The following PNKD variants were observed in gnomAD, a reference collection of about 807,000 sequenced individuals.
The protein encoded by PNKD is PNKD metallo-beta-lactamase domain containing.
PNKD carries 36 observed loss-of-function variants against 45.3 expected under a neutral mutation model. The ratio of observed to expected loss-of-function variants is 0.80; its 90% confidence interval spans 0.61 to 1.05. PNKD has a LOEUF of 1.05. Among genes scored for constraint, PNKD ranks in the 50% least tolerant of loss-of-function variants. PNKD has a pLI of 0.00. For synonymous variants in PNKD, 197 were observed against 210.1 expected (o/e 0.94, Z 0.54); for missense variants, 511 against 506.6 (o/e 1.01, Z -0.08).
intron 2 of PNKD, chr2:218,280,455 C>G (rs1472160243): frequency 3.2e-6 from 1 of 316,814 alleles, no homozygotes; most frequent in Non-Finnish European, 6.1e-6. Flanking sequence ...ACTGGGGCAG[C>G]CAGCCAGGGC....
At chr2:218,285,701 CAGGAG>C (rs1290382741) in intron 2 of PNKD, 2 of 152,454 alleles carry the variant, frequency 1.3e-5, no homozygotes, top group Admixed American at 6.5e-5. Flanking sequence ...GACCTGGGCA[CAGGAG>C]AGGAAACCCC....
intron 2 of PNKD, among the ~76,000 whole-genome samples, chr2:218,314,222 C>CTTTGTTTTTTTT (rs1693702509): frequency 1.5e-5 from 1 of 67,710 alleles, no homozygotes; most frequent in Admixed American, 2.2e-4. Flanking sequence ...CGCGCCCTGG[C>CTTTGTTTTTTTT]TTTTTTTTTT....
Position 218,335,358 on chromosome 2 carries a change from G to A in PNKD, c.237-4425G>A, listed in dbSNP as rs146180664. Among the ~76,000 whole-genome samples, 692 of 152,080 alleles carry A rather than the reference G, an allele frequency of 4.6e-3. 10 individuals are homozygous for A. Among genetic ancestry groups the A allele is most frequent in the African/African-American group, 0.016 (647 of 41,484 alleles). ...TAGACGGGCGTGGTGTCGCATGCCT[G>A]TAATCCCAGCTACTTGGGAGGCTGA... On this transcript the variant is annotated intron_variant, in intron 2 of 9. Transcript: ENST00000273077.
intron 7 of PNKD, 114 bp from the exon 8 acceptor site, chr2:218,343,386 C>A (rs576686920): frequency 3.5e-6 from 3 of 856,512 alleles, no homozygotes; most frequent in Non-Finnish European, 3.9e-6. Flanking sequence ...AGTGCACAGT[C>A]AGGGCTGACG....
intron 2 of PNKD, among the ~76,000 whole-genome samples, chr2:218,288,194 C>T (rs1294668008): frequency 1.3e-5 from 2 of 151,978 alleles, no homozygotes; most frequent in African/African-American, 4.8e-5. Flanking sequence ...TTTGGGAGGC[C>T]AAGGCGGGCG....
intron 1 of PNKD, chr2:218,271,032 G>C (rs1003589612): frequency 8.5e-6 from 4 of 471,020 alleles, no homozygotes; most frequent in Non-Finnish European, 7.7e-6. Context: ...GTCCCTTCCA[G>C]TGCTAACATT....
intron 2 of PNKD, among the ~76,000 whole-genome samples, chr2:218,285,124 T>G (rs1692403514): frequency 1.3e-5 from 2 of 152,264 alleles, no homozygotes; most frequent in South Asian, 4.1e-4. Context: ...CATAAAGTGC[T>G]TAGAATGAAA....
At chr2:218,335,721 C>G (rs1299149874) in intron 2 of PNKD, among the ~76,000 whole-genome samples, 1 of 152,126 alleles carries the variant, frequency 6.6e-6, no homozygotes, top group African/African-American at 2.4e-5. Flanking sequence ...AACCATGTGC[C>G]CAGATTGCCA....
intron 2 of PNKD, chr2:218,318,025 T>C (rs6741757): frequency 0.63 from 95,977 of 152,268 alleles, 30,286 homozygotes; most frequent in South Asian, 0.67. Context: ...ATCATCATCA[T>C]CACCACCAGT....
intron 2 of PNKD, among the ~76,000 whole-genome samples, chr2:218,299,139 A>T (rs1429663425): frequency 6.6e-6 from 1 of 151,424 alleles, no homozygotes; most frequent in Non-Finnish European, 1.5e-5. Context: ...TATTTTATTT[A>T]TTTATTTTGA....
At chr2:218,294,282 G>A (rs543774669) in intron 2 of PNKD, among the ~76,000 whole-genome samples, 3 of 152,200 alleles carry the variant, frequency 2.0e-5, no homozygotes, top group Non-Finnish European at 4.4e-5. Context: ...CACTTGTGCT[G>A]TCTTAGTCCA....
intron 2 of PNKD, among the ~76,000 whole-genome samples, chr2:218,303,933 C>A (rs774611098): frequency 6.6e-6 from 1 of 152,024 alleles, no homozygotes; most frequent in Non-Finnish European, 1.5e-5. Flanking sequence ...CATCCCCCTC[C>A]GTCTTCTCCA....
rs1236250741 is a variant in PNKD, at chr2:218,326,170, G to A, written c.237-13613G>A. On this transcript the variant is annotated intron_variant, in intron 2 of 9. Coordinates refer to ENST00000273077, the MANE Select transcript of PNKD (RefSeq NM_015488.5). This position sits in a 1 kb window ranked among gnomAD's most constrained non-coding sequence, Gnocchi z 4.1. ...GATCGCAAATAGAGGATTCTACTGG[G>A]GGTGGAAAGGCAATGATGGAAACAC... Among the ~76,000 whole-genome samples the A allele has an allele frequency of 6.6e-6, 1 of 152,142 alleles. No homozygotes were observed. Among genetic ancestry groups the A allele is most frequent in the Non-Finnish European group, 1.5e-5 (1 of 68,020 alleles).
Position 218,278,598 on chromosome 2 carries a change from C to T in PNKD, c.236+7049C>T, listed in dbSNP as rs773439749. On this transcript the variant is annotated intron_variant, in intron 2 of 9. Coordinates refer to ENST00000273077, the MANE Select transcript of PNKD (RefSeq NM_015488.5). ...CAAAGAGATGGGGAAGCAGTTCAGG[C>T]CCAAATCTGCCCCGCTTGGCAGCAC... is the stretch of plus-strand genomic sequence containing the variant. 7 of 1,613,108 alleles carry T rather than the reference C, an allele frequency of 4.3e-6. No individual in the cohort carries two copies. The South Asian group carries it at 7.7e-5, about 18-fold the overall frequency.
At chr2:218,279,471 C>T in intron 2 of PNKD, 1 of 850,704 alleles carries the variant, frequency 1.2e-6, no homozygotes, top group Non-Finnish European at 1.7e-6. Context: ...CAGCCTGGCC[C>T]AGAGGCGACC....
At chr2:218,323,358 C>G (rs745865903) in intron 2 of PNKD, 5 of 1,581,346 alleles carry the variant, frequency 3.2e-6, no homozygotes, top group Admixed American at 3.5e-5. Flanking sequence ...TGTGAGCCCC[C>G]GCGGCTGCCG....
intron 2 of PNKD, among the ~76,000 whole-genome samples, chr2:218,314,691 C>T (rs1316537025): frequency 6.7e-6 from 1 of 149,126 alleles, no homozygotes; most frequent in African/African-American, 2.5e-5. Flanking sequence ...TATTTAAGTT[C>T]GTTTTTTTTT....
intron 2 of PNKD, among the ~76,000 whole-genome samples, chr2:218,334,323 C>T (rs1308241371): frequency 6.6e-6 from 1 of 152,008 alleles, no homozygotes; most frequent in Admixed American, 6.6e-5. Context: ...CCTGCTGTTG[C>T]CCTTTCTCTG....
At chr2:218,288,255 C>G (rs1692678295) in intron 2 of PNKD, among the ~76,000 whole-genome samples, 1 of 152,154 alleles carries the variant, frequency 6.6e-6, no homozygotes, top group South Asian at 2.1e-4. Context: ...GGTGAAACCC[C>G]ATCTCTACTA....
Sources: gnomAD v4.1 joint callset for allele counts (sites outside exome capture counted in the v4.1 genomes callset) on GRCh38, gnomAD v4.1.1 for gene constraint, Gnocchi (gnomAD v3.1) non-coding constraint, MANE v1.5 for transcripts, NCBI Gene and HGNC (gene_info 2026-07-23, HGNC 2026-07-21) for gene names.